Variants in NTM observed in about 807,000 individuals in gnomAD.
NTM encodes the protein IgLON family member 2.
NTM carries 13 observed loss-of-function variants against 42.1 expected under a neutral mutation model. The ratio of observed to expected loss-of-function variants is 0.31; its 90% confidence interval spans 0.20 to 0.49. The LOEUF (loss-of-function observed/expected upper bound fraction) is 0.49, where lower values mean the gene tolerates loss of function less well. Ranked by LOEUF, NTM falls within the 20% of genes least tolerant of loss-of-function variation. The probability of loss-of-function intolerance (pLI) is 0.99; values close to 1 mark genes in which losing one functional copy is unlikely to be tolerated. For synonymous variants in NTM, 187 were observed against 179.2 expected, an observed-to-expected ratio of 1.04 and a Z score of -0.35; for missense variants, 373 against 452.8, an observed-to-expected ratio of 0.82 and a Z score of 1.60.
At chr11:132,102,511 T>C (rs2061747976) in intron 2 of NTM, among the ~76,000 whole-genome samples, 1 of 152,222 alleles carries the variant, frequency 6.6e-6, no homozygotes, top group Non-Finnish European at 1.5e-5. Flanking sequence ...GGATCTCACT[T>C]ATTCTCAGGG....
At chr11:132,026,483 T>TAG (rs1439885142) in intron 2 of NTM, among the ~76,000 whole-genome samples, 2 of 152,216 alleles carry the variant, frequency 1.3e-5, no homozygotes, top group African/African-American at 2.4e-5. Flanking sequence ...ACCCAGAATG[T>TAG]AGAGTCATCT....
chr11:132,303,566 C>G lies in NTM; in HGVS notation c.527-4123C>G, dbSNP rs148960914. On this transcript the variant is annotated intron_variant, in intron 4 of 8. Coordinates refer to ENST00000683400, the MANE Select transcript of NTM (RefSeq NM_001352005.2). ...AGACCTTTTTCCAAATATAGTCACT[C>G]TCTGAGGTACTGATGGTTAGGATCT... Among the ~76,000 whole-genome samples the G allele has an allele frequency of 5.7e-3, 865 of 152,270 alleles. 11 individuals are homozygous for G. The highest frequency in any genetic ancestry group is 0.02 in the African/African-American group (814 of 41,558).
At chr11:132,316,876 C>A (rs1402654516) in intron 7 of NTM, among the ~76,000 whole-genome samples, 1 of 152,162 alleles carries the variant, frequency 6.6e-6, no homozygotes, top group Non-Finnish European at 1.5e-5. Flanking sequence ...GGGAATTTTC[C>A]ATGTCAGTTT....
At chr11:132,130,825 G>A (rs2066682867) in intron 2 of NTM, among the ~76,000 whole-genome samples, 2 of 152,304 alleles carry the variant, frequency 1.3e-5, no homozygotes, top group Admixed American at 1.3e-4. Context: ...TTCTCACGGT[G>A]AGAACTGCAC....
intron 1 of NTM, among the ~76,000 whole-genome samples, chr11:131,521,420 T>C (rs200261187): frequency 0.11 from 8,140 of 76,670 alleles, 712 homozygotes; most frequent in East Asian, 0.21. Context: ...TTTTTTTTTT[T>C]TTGAGACGGG....
chr11:131,671,190 A>T (rs2070154000), intron 1 of NTM, among the ~76,000 whole-genome samples: 1 of 152,114 alleles, frequency 6.6e-6, no homozygotes, highest in Admixed American at 6.5e-5. Context: ...CTTTCTAGGT[A>T]AGGTCTGCAC....
intron 1 of NTM, among the ~76,000 whole-genome samples, chr11:131,824,466 C>T (rs188197509): frequency 5.3e-5 from 8 of 152,270 alleles, no homozygotes; most frequent in South Asian, 2.1e-4. Context: ...AAAGGTAATG[C>T]GGCAAGTTCT....
chr11:131,835,528 C>T (rs1416329665), intron 1 of NTM, among the ~76,000 whole-genome samples: 1 of 151,882 alleles, frequency 6.6e-6, no homozygotes, highest in Non-Finnish European at 1.5e-5. Flanking sequence ...AAGTTTAAAC[C>T]ACGATGATAT....
chr11:131,591,025 C>G (rs1325124787), intron 1 of NTM, among the ~76,000 whole-genome samples: 4 of 152,210 alleles, frequency 2.6e-5, no homozygotes. Flanking sequence ...AGCAAGCAGG[C>G]TGGATGAACC....
intron 2 of NTM, among the ~76,000 whole-genome samples, chr11:132,121,445 A>C (rs1452213628): frequency 6.6e-6 from 1 of 152,208 alleles, no homozygotes; most frequent in Non-Finnish European, 1.5e-5. Flanking sequence ...GATGAAATGC[A>C]GGAGATGAGG....
At chr11:131,600,299 A>G (rs1298047913) in intron 1 of NTM, among the ~76,000 whole-genome samples, 1 of 152,192 alleles carries the variant, frequency 6.6e-6, no homozygotes, top group African/African-American at 2.4e-5. Flanking sequence ...AATAATAGAA[A>G]AGGTTATTGA....
At chr11:131,735,877 TA>T (rs1425234918) in intron 1 of NTM, among the ~76,000 whole-genome samples, 2 of 150,438 alleles carry the variant, frequency 1.3e-5, no homozygotes, top group Non-Finnish European at 3.0e-5. Context: ...TGTGTGTGTA[TA>T]AAAAAATATA....
chr11:131,765,439 T>C (rs146424361), intron 1 of NTM, among the ~76,000 whole-genome samples: 303 of 152,342 alleles, frequency 2.0e-3, no homozygotes, highest in Admixed American at 5.4e-3. Context: ...TTCCTCTTCC[T>C]GGAAATCTTT....
chr11:132,254,414 G>T (rs1178800270), intron 4 of NTM, among the ~76,000 whole-genome samples: 2 of 151,786 alleles, frequency 1.3e-5, no homozygotes, highest in African/African-American at 4.8e-5. Context: ...TTCACAGAAG[G>T]CCAGTCTCCT....
At chr11:131,699,169 C>T (rs1312145486) in intron 1 of NTM, among the ~76,000 whole-genome samples, 1 of 152,164 alleles carries the variant, frequency 6.6e-6, no homozygotes, top group Non-Finnish European at 1.5e-5. Flanking sequence ...GGATCTAGAG[C>T]ACTGAATCTG....
chr11:132,278,310 T>A (rs1411621969), intron 4 of NTM, among the ~76,000 whole-genome samples: 1 of 152,208 alleles, frequency 6.6e-6, no homozygotes, highest in African/African-American at 2.4e-5. Flanking sequence ...GATCAACCTA[T>A]CTCTGTTCCA....
chr11:131,565,436 G>A (rs1468408512), intron 1 of NTM, among the ~76,000 whole-genome samples: 9 of 152,164 alleles, frequency 5.9e-5, no homozygotes, highest in Admixed American at 3.3e-4. Context: ...CCTCCCAGGC[G>A]GTGAGAGCGG....
intron 4 of NTM, among the ~76,000 whole-genome samples, chr11:132,243,223 G>A (rs2139247285): frequency 6.6e-6 from 1 of 152,302 alleles, no homozygotes; most frequent in South Asian, 2.1e-4. Context: ...AGCAAAGTCT[G>A]AGAGAGGAGG....
At position 131,388,564 on chromosome 11, in the gene NTM, A is replaced by G. The variant is rs1221798794; in HGVS notation, c.82+17676A>G. 2.0e-5 allele frequency among the ~76,000 whole-genome samples: 3 copies of G among 152,166 alleles called. No homozygotes were observed. The East Asian group carries it at 5.8e-4, about 29-fold the overall frequency. ...TGATCAGAATCAGTGTCTAAAAGGT[A>G]GAAGTGGGTTTTAATGGCCTATTTA... On this transcript the variant is annotated intron_variant, in intron 1 of 8. Transcript: ENST00000683400.
Sources: allele counts gnomAD v4.1 joint callset (sites outside exome capture counted in the v4.1 genomes callset), GRCh38; gene constraint gnomAD v4.1.1; transcripts MANE v1.5; gene names NCBI Gene and HGNC (gene_info 2026-07-23, HGNC 2026-07-21).